The following GATAD2A variants were observed in gnomAD, a reference collection of about 807,000 sequenced individuals.
GATAD2A encodes the protein transcriptional repressor p66-alpha.
A neutral mutation model predicts 68.5 loss-of-function variants in GATAD2A; 12 were observed. The ratio of observed to expected loss-of-function variants is 0.18; its 90% confidence interval spans 0.11 to 0.28. The LOEUF (loss-of-function observed/expected upper bound fraction) is 0.28, where lower values mean the gene tolerates loss of function less well. GATAD2A is among the 10% of genes least tolerant of loss of function. The pLI is 1.00. For missense variants in GATAD2A, 755 were observed against 868.5 expected, an observed-to-expected ratio of 0.87 and a Z score of 1.64; for synonymous variants, 410 against 375.3, an observed-to-expected ratio of 1.09 and a Z score of -1.07.
At chr19:19,474,908 G>A (rs539069865) in intron 2 of GATAD2A, among the ~76,000 whole-genome samples, 1 of 152,208 alleles carries the variant, frequency 6.6e-6, no homozygotes, top group South Asian at 2.1e-4. Context: ...TGGCCTACAC[G>A]TGTGGCTCTG....
intron 2 of GATAD2A, among the ~76,000 whole-genome samples, chr19:19,477,629 T>C (rs1355028711): frequency 6.6e-6 from 1 of 151,918 alleles, no homozygotes; most frequent in Non-Finnish European, 1.5e-5. Context: ...CTGGGATAGA[T>C]TGTTGGATGC....
intron 1 of GATAD2A, among the ~76,000 whole-genome samples, chr19:19,443,904 G>A (rs2055390184): frequency 6.6e-6 from 1 of 151,968 alleles, no homozygotes; most frequent in East Asian, 1.9e-4. Context: ...GACTGGAATT[G>A]CCAGAGGGGA....
chr19:19,416,196 A>G (rs1197610568), intron 1 of GATAD2A, among the ~76,000 whole-genome samples: 1 of 152,206 alleles, frequency 6.6e-6, no homozygotes, highest in Non-Finnish European at 1.5e-5. Flanking sequence ...AAAGGAGCAC[A>G]TGGAAATGGG....
At chr19:19,499,443 CCA>C (rs2060374102) in intron 8 of GATAD2A, among the ~76,000 whole-genome samples, 1 of 152,072 alleles carries the variant, frequency 6.6e-6, no homozygotes, top group East Asian at 1.9e-4. Context: ...TGTGAGGGGC[CCA>C]GGGCAGGGGC....
At chr19:19,413,760 T>C (rs1383433881) in intron 1 of GATAD2A, among the ~76,000 whole-genome samples, 1 of 152,156 alleles carries the variant, frequency 6.6e-6, no homozygotes, top group East Asian at 1.9e-4. Flanking sequence ...AATTTTTGTA[T>C]TTTTAGTAGA....
chr19:19,404,414 C>T (rs978784670), upstream of GATAD2A, among the ~76,000 whole-genome samples: 8 of 152,080 alleles, frequency 5.3e-5, no homozygotes, highest in Non-Finnish European at 1.2e-4. Flanking sequence ...GGTGCAGTGG[C>T]TTATGCCTGT....
rs2060951203 is a variant in GATAD2A, at chr19:19,508,287, C to CGGT, written c.*2813_*2814insGGT. 1 of 152,324 alleles carries CGGT rather than the reference C, an allele frequency of 6.6e-6. No homozygotes were observed. 9.4% of individuals were successfully genotyped at this position (152,324 alleles called of 1,614,324 possible). A position where few individuals can be genotyped will look rare whatever the true frequency, so the allele number is the denominator to read the frequency against. ...TGGAATGGCCAAGTGCCCTTGGAAC[C>CGGT]TCCCACAGCTATGGCCGTCCTGACC... On this transcript the variant is annotated 3_prime_UTR_variant, in exon 12 of 12. Coordinates refer to ENST00000683918, the MANE Select transcript of GATAD2A (RefSeq NM_001384528.1).
intron 7 of GATAD2A, among the ~76,000 whole-genome samples, chr19:19,497,887 G>A (rs148544075): frequency 7.9e-4 from 121 of 152,298 alleles, no homozygotes; most frequent in African/African-American, 2.7e-3. Flanking sequence ...GCACTGGAGC[G>A]GTGAGGACTG....
At chr19:19,406,451 C>CGCGGCGGCGGCGGCG (rs535696257) in intron 1 of GATAD2A, among the ~76,000 whole-genome samples, 77 of 147,212 alleles carry the variant, frequency 5.2e-4, no homozygotes, top group Admixed American at 4.5e-3. Flanking sequence ...CGCTGAACCC[C>CGCGGCGGCGGCGGCG]GCGGCGGCGG....
chr19:19,491,925 C>G (rs1022891095), intron 2 of GATAD2A, among the ~76,000 whole-genome samples: 1 of 152,228 alleles, frequency 6.6e-6, no homozygotes, highest in Non-Finnish European at 1.5e-5. Flanking sequence ...CCCACAATGG[C>G]TAACACTGAG....
chr19:19,491,830 C>G (rs1442630025), intron 2 of GATAD2A, among the ~76,000 whole-genome samples: 1 of 152,206 alleles, frequency 6.6e-6, no homozygotes, highest in African/African-American at 2.4e-5. Context: ...AGCTGGGCTC[C>G]CCTTCAAGGG....
intron 1 of GATAD2A, among the ~76,000 whole-genome samples, chr19:19,431,529 A>G (rs952799384): frequency 6.6e-6 from 1 of 151,344 alleles, no homozygotes; most frequent in Admixed American, 6.6e-5. Context: ...CCCCGTCTCT[A>G]ATAAAAATAT....
At chr19:19,435,073 G>A in intron 1 of GATAD2A, 1 of 531,552 alleles carries the variant, frequency 1.9e-6, no homozygotes, top group Non-Finnish European at 3.9e-6. Flanking sequence ...GTGACCCTGG[G>A]CAAGTTCCTG....
At chr19:19,404,232 T>G (rs2049993151), upstream of GATAD2A, among the ~76,000 whole-genome samples, 1 of 152,016 alleles carries the variant, frequency 6.6e-6, no homozygotes, top group South Asian at 2.1e-4. Flanking sequence ...TGAACTCTGT[T>G]TAAGGGGACA....
At chr19:19,436,074 A>G (rs1030037862) in intron 1 of GATAD2A, 7 of 888,442 alleles carry the variant, frequency 7.9e-6, no homozygotes, top group African/African-American at 5.1e-5. Flanking sequence ...AAATGCCAGT[A>G]TGTTCCAGAA....
At chr19:19,494,941 C>T (rs966537342) in intron 5 of GATAD2A, among the ~76,000 whole-genome samples, 1 of 152,224 alleles carries the variant, frequency 6.6e-6, no homozygotes, top group Admixed American at 6.5e-5. Flanking sequence ...GTCACTATTC[C>T]TTGTTCCAGT....
At chr19:19,392,394 GTT>G (rs575233493) in intron 1 of GATAD2A, among the ~76,000 whole-genome samples, 5 of 109,648 alleles carry the variant, frequency 4.6e-5, no homozygotes, top group Admixed American at 9.2e-5. Flanking sequence ...TTGTGTGTGT[GTT>G]TTTTTTTTTT....
intron 1 of GATAD2A, among the ~76,000 whole-genome samples, chr19:19,389,295 T>A (rs556730707): frequency 1.3e-5 from 2 of 152,168 alleles, no homozygotes; most frequent in African/African-American, 4.8e-5. Context: ...TTGACTGAAG[T>A]AGAGTTCTGA....
At chr19:19,441,118 CTGCAACCTCCGCCTTCACGTTTCAAG>C (rs2055022928) in intron 1 of GATAD2A, among the ~76,000 whole-genome samples, 1 of 151,814 alleles carries the variant, frequency 6.6e-6, no homozygotes, top group African/African-American at 2.4e-5. Context: ...TCTCGGCTCA[CTGCAACCTCCGCCTTCACGTTTCAAG>C]TGATTCTCCT....
Sources: gnomAD v4.1 joint callset for allele counts (sites outside exome capture counted in the v4.1 genomes callset) on GRCh38, gnomAD v4.1.1 for gene constraint, MANE v1.5 for transcripts, NCBI Gene and HGNC (gene_info 2026-07-23, HGNC 2026-07-21) for gene names.